FAM120B: variants seen among roughly 807,000 people sequenced by gnomAD.
FAM120B encodes constitutive coactivator of peroxisome proliferator-activated receptor gamma.
FAM120B carries 83 observed loss-of-function variants against 96.3 expected under a neutral mutation model. That is an observed-to-expected ratio of 0.86 (90% CI 0.72 to 1.03). The LOEUF is 1.03. Ranked by LOEUF, FAM120B falls within the 50% of genes least tolerant of loss-of-function variation. The pLI is 0.00. For synonymous variants in FAM120B, 407 were observed against 402.7 expected, an observed-to-expected ratio of 1.01 and a Z score of -0.13; for missense variants, 1,027 against 1,121.2, an observed-to-expected ratio of 0.92 and a Z score of 1.20.
At chr6:170,379,864 A>G (rs1439544438) in intron 6 of FAM120B, among the ~76,000 whole-genome samples, 1 of 152,182 alleles carries the variant, frequency 6.6e-6, no homozygotes, top group African/African-American at 2.4e-5. Context: ...TGTGTGGTAA[A>G]AGCACCTAAA....
chr6:170,332,039 G>T (rs1007412767), intron 4 of FAM120B, among the ~76,000 whole-genome samples: 1 of 152,038 alleles, frequency 6.6e-6, no homozygotes, highest in African/African-American at 2.4e-5. Context: ...CTAGAAATTG[G>T]ATTTGAATTT....
intron 4 of FAM120B, among the ~76,000 whole-genome samples, chr6:170,347,631 TC>T (rs1174808826): frequency 6.6e-6 from 1 of 152,208 alleles, no homozygotes; most frequent in Non-Finnish European, 1.5e-5. Flanking sequence ...AATGCAGACT[TC>T]CAGGCACCCA....
In FAM120B at chr6:170,317,478, C is replaced by T. The variant is rs1457853250; in HGVS notation, c.88C>T (p.His30Tyr). 2.5e-6 allele frequency: 4 copies of T among 1,614,052 alleles called. No individual in the cohort carries two copies. Among genetic ancestry groups the T allele is most frequent in the African/African-American group, 1.3e-5 (1 of 74,920 alleles). Residue 30 changes from histidine to tyrosine, a missense_variant, in exon 2 of 11, where the codon CAC (histidine) becomes TAC (tyrosine). Coordinates refer to ENST00000476287, the MANE Select transcript of FAM120B (RefSeq NM_032448.3). ...VVNFKELAEH[H>Y]RSKYPGCTPT... ...AAATTTCAAAGAACTGGCAGAGCAC[C>T]ACCGAAGCAAGTATCCTGGATGTAC...
rs1050315975 is a variant in FAM120B at position 170,318,467 on chromosome 6, T to C, written c.1077T>C (p.Pro359=). The C allele has an allele frequency of 3.1e-6, 5 of 1,590,598 alleles. No homozygotes were observed. The African/African-American group carries it at 6.8e-5, about 21-fold the overall frequency. The change falls in exon 2 of 11, where the codon CCT becomes CCC. Residue 359 remains proline (P), a synonymous_variant. Coordinates refer to ENST00000476287, the MANE Select transcript of FAM120B (RefSeq NM_032448.3). The part of the protein sequence containing the change: ...SRQEVPMCTG[P]ESRREVPVYT... ...AAGAAGTTCCCATGTGTACAGGCCC[T>C]GAATCCAGGCGAGAAGTTCCCGTGT... is the stretch of plus-strand genomic sequence containing the variant.
intron 4 of FAM120B, among the ~76,000 whole-genome samples, chr6:170,346,763 A>G (rs1398667287): frequency 6.6e-6 from 1 of 151,446 alleles, no homozygotes; most frequent in South Asian, 2.1e-4. Flanking sequence ...TTCTTAGTTC[A>G]TGGGGTGCAT....
At chr6:170,316,053 G>T (rs1044000867) in intron 1 of FAM120B, among the ~76,000 whole-genome samples, 1 of 92,960 alleles carries the variant, frequency 1.1e-5, no homozygotes, top group Admixed American at 1.4e-4. Flanking sequence ...AGTGAGACCC[G>T]GTCTCAAAAA....
Position 170,371,594 on chromosome 6 carries a change from A to T in FAM120B, c.2283+13276A>T, listed in dbSNP as rs571250125. ...TGTGTAAAAAACATTTGGAATAAAAACCTCCACCTTAAGATGCAAAAGGGT... is the reference window on the plus strand; with the variant it reads ...TGTGTAAAAAACATTTGGAATAAAATCCTCCACCTTAAGATGCAAAAGGGT... On this transcript the variant is annotated intron_variant, in intron 6 of 10. Coordinates refer to ENST00000476287, the MANE Select transcript of FAM120B (RefSeq NM_032448.3). Among the ~76,000 whole-genome samples the T allele has an allele frequency of 3.9e-5, 6 of 152,244 alleles. No homozygotes were observed. The South Asian group carries it at 1.0e-3, about 26-fold the overall frequency.
chr6:170,357,294 G>GA (rs906963038), intron 5 of FAM120B, among the ~76,000 whole-genome samples: 1 of 152,138 alleles, frequency 6.6e-6, no homozygotes, highest in Non-Finnish European at 1.5e-5. Flanking sequence ...GCTGGGAGAG[G>GA]AATGTCTCTA....
intron 1 of FAM120B, among the ~76,000 whole-genome samples, chr6:170,310,244 G>T (rs987589309): frequency 6.6e-6 from 1 of 152,210 alleles, no homozygotes; most frequent in Non-Finnish European, 1.5e-5. Context: ...GCACAGTGTG[G>T]GTAGGAAAGG....
chr6:170,306,365 C>T (rs1483943254), upstream of FAM120B, among the ~76,000 whole-genome samples: 1 of 152,176 alleles, frequency 6.6e-6, no homozygotes, highest in Admixed American at 6.5e-5. Flanking sequence ...CTGGGCCGCG[C>T]TCGCACAACT....
chr6:170,307,024 C>T (rs1480547213), intron 1 of FAM120B, among the ~76,000 whole-genome samples, 182 bp downstream of exon 1: 1 of 152,218 alleles, frequency 6.6e-6, no homozygotes, highest in African/African-American at 2.4e-5. Context: ...ATCCTCGCGT[C>T]CCCGCTGCCG....
intron 6 of FAM120B, among the ~76,000 whole-genome samples, chr6:170,362,580 T>TGGGTCC (rs1278844370): frequency 6.6e-6 from 1 of 152,196 alleles, no homozygotes; most frequent in East Asian, 1.9e-4. Context: ...TATACTGCCG[T>TGGGTCC]GGGTCCAGGC....
chr6:170,299,244 G>C (rs1784092153), intron 1 of FAM120B, among the ~76,000 whole-genome samples: 1 of 152,104 alleles, frequency 6.6e-6, no homozygotes, highest in Non-Finnish European at 1.5e-5. Flanking sequence ...ATTAATATAG[G>C]CTTACTCATC....
chr6:170,354,567 A>G (rs1787776051), intron 5 of FAM120B, among the ~76,000 whole-genome samples: 1 of 152,146 alleles, frequency 6.6e-6, no homozygotes, highest in Admixed American at 6.6e-5. Context: ...GATTTACAAG[A>G]AAAAAAGCAA....
intron 3 of FAM120B, among the ~76,000 whole-genome samples, chr6:170,324,718 A>G (rs1288698889): frequency 6.6e-6 from 1 of 152,186 alleles, no homozygotes; most frequent in African/African-American, 2.4e-5. Flanking sequence ...ATTTGTCTTC[A>G]TGGTTGATCT....
At chr6:170,364,110 T>G (rs1174848556) in intron 6 of FAM120B, among the ~76,000 whole-genome samples, 1 of 152,202 alleles carries the variant, frequency 6.6e-6, no homozygotes, top group Non-Finnish European at 1.5e-5. Context: ...GCATTTCCCC[T>G]TGTTCAGTCA....
chr6:170,319,510 A>C (rs1583193244), intron 2 of FAM120B, among the ~76,000 whole-genome samples: 1 of 152,302 alleles, frequency 6.6e-6, no homozygotes, highest in East Asian at 1.9e-4. Context: ...TCTACTAAAA[A>C]TACAGAAATC....
At chr6:170,335,401 G>A (rs563370608) in intron 4 of FAM120B, among the ~76,000 whole-genome samples, 295 of 152,156 alleles carry the variant, frequency 1.9e-3, no homozygotes, top group African/African-American at 6.9e-3. Context: ...TCTTTTTTAT[G>A]GCTGCATAGT....
chr6:170,313,859 G>A (rs1169196459), intron 1 of FAM120B, among the ~76,000 whole-genome samples: 1 of 152,220 alleles, frequency 6.6e-6, no homozygotes, highest in Non-Finnish European at 1.5e-5. Context: ...CAGCAGCCAA[G>A]TATTGGTTGT....
Sources: allele counts gnomAD v4.1 joint callset (sites outside exome capture counted in the v4.1 genomes callset), GRCh38; gene constraint gnomAD v4.1.1; transcripts MANE v1.5; gene names NCBI Gene and HGNC (gene_info 2026-07-23, HGNC 2026-07-21).